The following TBC1D16 variants were observed in gnomAD, a reference collection of about 807,000 sequenced individuals.
TBC1D16 encodes TBC1 domain family member 16, also known as CTD-2529O21.1.
Under a neutral mutation model 74.7 loss-of-function variants are expected in TBC1D16, and 58 were observed. The observed-to-expected ratio is 0.78, with a 90% CI of 0.63 to 0.97. The LOEUF is 0.97. Ranked by LOEUF, TBC1D16 falls within the 50% of genes least tolerant of loss-of-function variation. The probability of loss-of-function intolerance (pLI) is 0.00; values close to 1 mark genes in which losing one functional copy is unlikely to be tolerated. For synonymous variants in TBC1D16, 493 were observed against 474.7 expected (o/e 1.04, Z -0.50); for missense variants, 1,014 against 1,079.5 (o/e 0.94, Z 0.85).
In TBC1D16 at chr17:79,948,972, A is replaced by T; in HGVS notation, c.1441T>A (p.Trp481Arg). The stretch of plus-strand genomic sequence containing the variant: ...TCCACAGTGAACTGCACATTACGCC[A>T]GAACGCTCTGTGCTCCTCGGGAGTC... ...SMTPEEHRAF[W>R]RNVQFTVDKD... Residue 481 changes from tryptophan (W) to arginine (R), a missense_variant, in exon 8 of 12, where the codon TGG (tryptophan) becomes AGG (arginine). Trp to Arg is a moderately radical substitution (Grantham distance 101). Transcript: ENST00000310924. The T allele has an allele frequency of 6.2e-7, 1 of 1,614,178 alleles. No individual in the cohort carries two copies.
At position 79,950,604 on chromosome 17, in the gene TBC1D16, G is replaced by A. The variant is rs371640524; in HGVS notation, c.1090-26C>T. The A allele has an allele frequency of 3.7e-6, 6 of 1,606,882 alleles. 1 individual carries two copies. Among genetic ancestry groups the A allele is most frequent in the Non-Finnish European group, 5.1e-6 (6 of 1,176,658 alleles). ...CTGGACGGGAGGAAAACTGGGCAAA[G>A]GTCAGGATCTCAGCCGCGCGGCTTC... On this transcript the variant is annotated intron_variant, in intron 5 of 11. Coordinates refer to ENST00000310924, the MANE Select transcript of TBC1D16 (RefSeq NM_019020.4). The surrounding 1 kb of genome is among the most constrained non-coding windows in gnomAD (Gnocchi z 4.6).
In TBC1D16 at chr17:80,007,391, G is replaced by A. The variant is rs554241505; in HGVS notation, c.779+2769C>T. Among the ~76,000 whole-genome samples the A allele has an allele frequency of 3.5e-4, 54 of 152,336 alleles. No individual in the cohort carries two copies. The South Asian group carries it at 9.1e-3, about 26-fold the overall frequency. On this transcript the variant is annotated intron_variant, in intron 3 of 11. Coordinates refer to ENST00000310924, the MANE Select transcript of TBC1D16 (RefSeq NM_019020.4). The surrounding 1 kb of genome is among the most constrained non-coding windows in gnomAD (Gnocchi z 4.5). ...CACTTCACACCCGTGAGGCATCTGC[G>A]TTTTGGATGTGGGAGGTAATGGCCA...
chr17:79,971,013 C>T lies in TBC1D16; in HGVS notation c.780-18195G>A, dbSNP rs1198270433. ...AATAATTTTACATTAATATACACTCCCTGTATTTTTATTTTTTATTTTTTT... is the reference window on the plus strand; with the variant it reads ...AATAATTTTACATTAATATACACTCTCTGTATTTTTATTTTTTATTTTTTT... On this transcript the variant is annotated intron_variant, in intron 3 of 11. Coordinates refer to ENST00000310924, the MANE Select transcript of TBC1D16 (RefSeq NM_019020.4). The surrounding 1 kb of genome is among the most constrained non-coding windows in gnomAD (Gnocchi z 4.6). Among the ~76,000 whole-genome samples, 1 of 151,108 alleles carries T rather than the reference C, an allele frequency of 6.6e-6. No individual in the cohort carries two copies. The highest frequency in any genetic ancestry group is 1.5e-5 in the Non-Finnish European group (1 of 67,906).
intron 3 of TBC1D16, among the ~76,000 whole-genome samples, chr17:79,968,914 A>G (rs2033958499): frequency 6.6e-6 from 1 of 151,976 alleles, no homozygotes; most frequent in African/African-American, 2.4e-5. Flanking sequence ...GTTGCAAATC[A>G]TATATCTGAC....
chr17:80,029,078 CAGAG>C (rs1174834743), intron 1 of TBC1D16, among the ~76,000 whole-genome samples: 4 of 152,206 alleles, frequency 2.6e-5, no homozygotes, highest in Non-Finnish European at 5.9e-5. Flanking sequence ...ACTCCTCCAC[CAGAG>C]AGTCATTCTT....
Position 79,945,036 on chromosome 17 carries a change from G to A in TBC1D16, c.1780C>T (p.Leu594=). Residue 594 remains leucine, a synonymous_variant, in exon 10 of 12, where the codon CTG becomes TTG. Coordinates refer to ENST00000310924, the MANE Select transcript of TBC1D16 (RefSeq NM_019020.4). ...AGGCCGTCCTCGCCCAGCGAGACCA[G>A]GTGCTGGTAGAAGCGCACGTGCGTC... ...RLTHVRFYQH[L]VSLGEDGLQM... 1 of 1,584,874 alleles carries A rather than the reference G, an allele frequency of 6.3e-7. No homozygotes were observed. The highest frequency in any genetic ancestry group is 8.6e-7 in the Non-Finnish European group (1 of 1,166,904).
intron 1 of TBC1D16, among the ~76,000 whole-genome samples, chr17:80,024,927 G>T (rs201382371): frequency 7.3e-6 from 1 of 137,680 alleles, no homozygotes; most frequent in African/African-American, 3.0e-5. Context: ...ACACACCATA[G>T]ACACACACAC....
chr17:79,988,404 T>C lies in TBC1D16; in HGVS notation c.779+21756A>G, dbSNP rs1304299423. On this transcript the variant is annotated intron_variant, in intron 3 of 11. Coordinates refer to ENST00000310924, the MANE Select transcript of TBC1D16 (RefSeq NM_019020.4). The surrounding 1 kb of genome is among the most constrained non-coding windows in gnomAD (Gnocchi z 5.7). ...ACTGAAACATTTTCCTTTTGTCGACTGTAGAGAGCTATGAGTCAGGTCCAA... is the reference window on the plus strand; with the variant it reads ...ACTGAAACATTTTCCTTTTGTCGACCGTAGAGAGCTATGAGTCAGGTCCAA... Among the ~76,000 whole-genome samples the C allele has an allele frequency of 6.6e-6, 1 of 152,096 alleles. No individual in the cohort carries two copies. Among genetic ancestry groups the C allele is most frequent in the Non-Finnish European group, 1.5e-5 (1 of 67,980 alleles).
At chr17:79,967,810 C>G (rs1361132556) in intron 3 of TBC1D16, among the ~76,000 whole-genome samples, 1 of 152,086 alleles carries the variant, frequency 6.6e-6, no homozygotes, top group Non-Finnish European at 1.5e-5. Flanking sequence ...AAAATTAGGA[C>G]TCACACTTCC....
rs991835401 is a variant in TBC1D16 at position 79,986,827 on chromosome 17, G to C, written c.779+23333C>G. Among the ~76,000 whole-genome samples, 1 of 152,236 alleles carries C rather than the reference G, an allele frequency of 6.6e-6. No homozygotes were observed. The highest frequency in any genetic ancestry group is 1.5e-5 in the Non-Finnish European group (1 of 68,038). On this transcript the variant is annotated intron_variant, in intron 3 of 11. Coordinates refer to ENST00000310924, the MANE Select transcript of TBC1D16 (RefSeq NM_019020.4). This position sits in a 1 kb window ranked among gnomAD's most constrained non-coding sequence, Gnocchi z 6.0. ...CCGATCAGGTCCACGGGAAGATGGG[G>C]GTGAACGAGAAGCCTGAGGCCGGGC...
rs2031784451 is a variant in TBC1D16 at position 79,938,849 on chromosome 17, C to T, written c.*2010G>A. 6.6e-6 allele frequency: 1 copy of T among 152,310 alleles called. No individual in the cohort carries two copies. Among genetic ancestry groups the T allele is most frequent in the Non-Finnish European group, 1.5e-5 (1 of 68,066 alleles). The allele number at this position is 152,310 out of a possible 1,614,324, so 9.4% of individuals were successfully genotyped here. On this transcript the variant is annotated 3_prime_UTR_variant, in exon 12 of 12. Coordinates refer to ENST00000310924, the MANE Select transcript of TBC1D16 (RefSeq NM_019020.4). Reference sequence around the variant, plus strand: ...TCTCCCTCCGTGCCTTTGGCTGTGCCATGGCTGGCCTGCAGGAGGGATGCA... The same window carrying T: ...TCTCCCTCCGTGCCTTTGGCTGTGCTATGGCTGGCCTGCAGGAGGGATGCA...
intron 10 of TBC1D16, 39 bp from the exon 11 acceptor site, chr17:79,942,245 G>A (rs934431068): frequency 1.7e-5 from 27 of 1,553,732 alleles, no homozygotes; most frequent in Admixed American, 1.1e-4. Context: ...GGCTCTGACC[G>A]AGCCCCAGGC....
At chr17:79,952,938 G>T in intron 3 of TBC1D16, 120 bp from the exon 4 acceptor site, 1 of 1,177,338 alleles carries the variant, frequency 8.5e-7, no homozygotes, top group South Asian at 1.5e-5. Context: ...ACACATACAG[G>T]CACGGCTGAA....
At chr17:79,965,694 T>C (rs2033814045) in intron 3 of TBC1D16, among the ~76,000 whole-genome samples, 1 of 152,224 alleles carries the variant, frequency 6.6e-6, no homozygotes, top group African/African-American at 2.4e-5. Context: ...CTCACATTCC[T>C]GACTCTTTTG....
rs749485661 is a variant in TBC1D16, at chr17:79,940,986, G to A, written c.2177C>T (p.Thr726Ile). The change falls in exon 12 of 12, where the codon ACC becomes ATC. Residue 726 changes from threonine (T) to isoleucine (I), a missense_variant. By Grantham distance (89) the Thr-to-Ile change is moderately conservative. Coordinates refer to ENST00000310924, the MANE Select transcript of TBC1D16 (RefSeq NM_019020.4). The surrounding 1 kb of genome is among the most constrained non-coding windows in gnomAD (Gnocchi z 5.4). ...GCTCTCCGAGCCGGGATGGTGGCCG[G>A]TGCACTCCACCGCGGGCATGGAGCC... is the stretch of plus-strand genomic sequence containing the variant. ...DSGSMPAVEC[T>I]GHHPGSESCP... The A allele has an allele frequency of 1.9e-6, 3 of 1,608,132 alleles. No homozygotes were observed. The South Asian group carries it at 3.3e-5, about 18-fold the overall frequency.
In TBC1D16 at chr17:79,978,448, C is replaced by T. The variant is rs907200627; in HGVS notation, c.780-25630G>A. On this transcript the variant is annotated intron_variant, in intron 3 of 11. Transcript: ENST00000310924. ...GCCTTTCTTCTGTTCCTTTGCCAGC[C>T]GTGGGGGCGGGGTGGGGGCCGTGGC... is the stretch of plus-strand genomic sequence containing the variant. Among the ~76,000 whole-genome samples the T allele has an allele frequency of 4.2e-5, 6 of 142,196 alleles. No individual in the cohort carries two copies. In the South Asian group the frequency reaches 1.0e-3, roughly 25 times the overall value. The allele number at this position is 142,196 out of a possible 152,430, so 93.3% of individuals were successfully genotyped here.
chr17:79,972,490 G>A (rs1218103762), intron 3 of TBC1D16, among the ~76,000 whole-genome samples: 4 of 152,166 alleles, frequency 2.6e-5, no homozygotes, highest in African/African-American at 9.7e-5. Context: ...TAAAAAGGAA[G>A]GAGATTCTGA....
At position 79,944,264 on chromosome 17, in the gene TBC1D16, G is replaced by C. The variant is rs1037778845; in HGVS notation, c.1908+644C>G. Among the ~76,000 whole-genome samples, 1 of 152,168 alleles carries C rather than the reference G, an allele frequency of 6.6e-6. No homozygotes were observed. The highest frequency in any genetic ancestry group is 1.5e-5 in the Non-Finnish European group (1 of 68,036). ...AGGGTCCAGCCCTCCTGGATGCGTCGATGTGAGTTTTTTTTTTAAAAGGCT... is the reference window on the plus strand; with the variant it reads ...AGGGTCCAGCCCTCCTGGATGCGTCCATGTGAGTTTTTTTTTTAAAAGGCT... On this transcript the variant is annotated intron_variant, in intron 10 of 11. Coordinates refer to ENST00000310924, the MANE Select transcript of TBC1D16 (RefSeq NM_019020.4). The surrounding 1 kb of genome is among the most constrained non-coding windows in gnomAD (Gnocchi z 7.7).
At chr17:80,025,143 C>CAATG (rs1363929862) in intron 1 of TBC1D16, among the ~76,000 whole-genome samples, 173 of 109,012 alleles carry the variant, frequency 1.6e-3, no homozygotes, top group African/African-American at 6.5e-3. Context: ...CATAGGCACA[C>CAATG]ACAAACACAC....
Sources: gnomAD v4.1 joint callset for allele counts (sites outside exome capture counted in the v4.1 genomes callset) on GRCh38, gnomAD v4.1.1 for gene constraint, Gnocchi (gnomAD v3.1) non-coding constraint, MANE v1.5 for transcripts, NCBI Gene and HGNC (gene_info 2026-07-23, HGNC 2026-07-21) for gene names.